Variants in FFAR1 observed in about 807,000 individuals in gnomAD.
FFAR1 encodes the protein free fatty acid receptor 1, also known as G-protein coupled receptor 40.
For synonymous variants in FFAR1, 216 were observed against 201.5 expected, an observed-to-expected ratio of 1.07 and a Z score of -0.61; for missense variants, 424 against 396.2, an observed-to-expected ratio of 1.07 and a Z score of -0.60.
At chr19:35,348,271 C>G (rs943207801), upstream of FFAR1, among the ~76,000 whole-genome samples, 1 of 152,162 alleles carries the variant, frequency 6.6e-6, no homozygotes, top group Non-Finnish European at 1.5e-5. Flanking sequence ...CTTGTGAGCA[C>G]CATTAACTTT....
chr19:35,351,670 CT>C lies in FFAR1; in HGVS notation c.120del (p.Ser41AlafsTer6), dbSNP rs756775454. ...GCCCACGCCCGGCTCCGTCTCACCC[CT>C]AGCCTGGTCTACGCCCTGAACCTGG... On this transcript the variant is annotated frameshift_variant, in exon 1 of 1. Coordinates refer to ENST00000246553, the Ensembl canonical transcript of FFAR1. LOFTEE classifies it low-confidence loss of function (END_TRUNC). 9.0e-6 allele frequency: 14 copies of C among 1,556,878 alleles called. No homozygotes were observed. The highest frequency in any genetic ancestry group is 1.1e-5 in the Non-Finnish European group (13 of 1,153,856).
upstream of FFAR1, among the ~76,000 whole-genome samples, chr19:35,349,839 G>C (rs1363674805): frequency 6.6e-6 from 1 of 152,200 alleles, no homozygotes; most frequent in Non-Finnish European, 1.5e-5. Flanking sequence ...CGGGCACATT[G>C]AGAGACAGAG....
chr19:35,351,010 C>A (rs1031925089), upstream of FFAR1, among the ~76,000 whole-genome samples: 9 of 152,168 alleles, frequency 5.9e-5, no homozygotes, highest in African/African-American at 2.4e-5. Flanking sequence ...TGGCCACACC[C>A]TCACCTTATC....
chr19:35,350,055 G>C (rs1226622700), upstream of FFAR1, among the ~76,000 whole-genome samples: 2 of 152,190 alleles, frequency 1.3e-5, no homozygotes. Context: ...GCCTTGGGGA[G>C]TGTCCCCCAG....
upstream of FFAR1, chr19:35,351,501 A>G (rs1331283303): frequency 6.6e-7 from 1 of 1,518,928 alleles, no homozygotes; most frequent in Non-Finnish European, 8.8e-7. Flanking sequence ...AGATCTGAGG[A>G]CAGGGAGCCA....
chr19:35,352,223 G>T (rs374423505), exon 1 of FFAR1: 5 of 1,570,136 alleles, frequency 3.2e-6, no homozygotes, highest in Non-Finnish European at 3.4e-6. Flanking sequence ...GGGCCGCCTG[G>T]GTGGCCGGCG....
At chr19:35,349,829 C>T (rs538889689), upstream of FFAR1, among the ~76,000 whole-genome samples, 12 of 152,174 alleles carry the variant, frequency 7.9e-5, no homozygotes, top group African/African-American at 1.9e-4. Flanking sequence ...CAGAAAGACA[C>T]GGGCACATTG....
chr19:35,350,216 G>A (rs372116485), upstream of FFAR1, among the ~76,000 whole-genome samples: 47 of 152,332 alleles, frequency 3.1e-4, no homozygotes, highest in East Asian at 8.7e-3. Context: ...CCTTCCTCCA[G>A]CCCTGGGAAG....
chr19:35,350,818 G>A (rs1428981794), upstream of FFAR1, among the ~76,000 whole-genome samples: 1 of 152,178 alleles, frequency 6.6e-6, no homozygotes, highest in Non-Finnish European at 1.5e-5. Context: ...GAGCCTCAGA[G>A]ACATCTGGCA....
At chr19:35,352,516 C>CG (rs1428050842) in exon 1 of FFAR1, 11 of 1,501,854 alleles carry the variant, frequency 7.3e-6, no homozygotes, top group East Asian at 4.9e-5. Flanking sequence ...CAGGCCCCTG[C>CG]GGGGGGCTGC....
At chr19:35,352,633 GC>G (rs2066950844) in exon 1 of FFAR1, 4 of 663,806 alleles carry the variant, frequency 6.0e-6, no homozygotes, top group South Asian at 3.9e-5. Context: ...GGAGCACCGA[GC>G]CAGAGCACGG....
chr19:35,350,258 A>G (rs531807578), upstream of FFAR1, among the ~76,000 whole-genome samples: 33 of 152,336 alleles, frequency 2.2e-4, no homozygotes, highest in Non-Finnish European at 4.4e-4. Context: ...GCTAGTGCGG[A>G]AGCAGAGGGA....
exon 1 of FFAR1, chr19:35,352,347 G>A: frequency 6.4e-7 from 1 of 1,552,418 alleles, no homozygotes; most frequent in Admixed American, 2.0e-5. Context: ...CATCACGGGT[G>A]CCTGGAGTGT....
In FFAR1 at chr19:35,351,791, C is replaced by G. The variant is rs779719073; in HGVS notation, c.240C>G (p.Pro80=). 5.0e-6 allele frequency: 8 copies of G among 1,591,746 alleles called. No homozygotes were observed. The African/African-American group carries it at 5.4e-5, about 11-fold the overall frequency. ...GGCCTCTGCCGGCCTCGCTGTGCCCCGTCTTCGCGGTGGCCCACTTCTTCC... is the reference window on the plus strand; with the variant it reads ...GGCCTCTGCCGGCCTCGCTGTGCCCGGTCTTCGCGGTGGCCCACTTCTTCC... The change falls in exon 1 of 1, where the codon CCC becomes CCG. Residue 80 remains proline (P), a synonymous_variant. Transcript: ENST00000246553.
rs779719073 is a variant in FFAR1, at chr19:35,351,791, C to T, written c.240C>T (p.Pro80=). The T allele has an allele frequency of 4.4e-6, 7 of 1,591,864 alleles. No individual in the cohort carries two copies. The East Asian group carries it at 9.2e-5, about 21-fold the overall frequency. Residue 80 remains proline (P), a synonymous_variant, in exon 1 of 1, where the codon CCC becomes CCT. Transcript: ENST00000246553. ...GGCCTCTGCCGGCCTCGCTGTGCCCCGTCTTCGCGGTGGCCCACTTCTTCC... is the reference window on the plus strand; with the variant it reads ...GGCCTCTGCCGGCCTCGCTGTGCCCTGTCTTCGCGGTGGCCCACTTCTTCC...
exon 1 of FFAR1, chr19:35,351,664 T>A: frequency 6.4e-7 from 1 of 1,555,210 alleles, no homozygotes; most frequent in Non-Finnish European, 8.7e-7. Flanking sequence ...CGGCTCCGTC[T>A]CACCCCTAGC....
upstream of FFAR1, among the ~76,000 whole-genome samples, chr19:35,349,926 A>G (rs1034412564): frequency 1.6e-4 from 24 of 152,180 alleles, no homozygotes; most frequent in African/African-American, 5.8e-4. Context: ...GAGGTTAGAA[A>G]TCTTCCTTAG....
At chr19:35,352,517 G>A (rs1312877904) in exon 1 of FFAR1, 36 of 1,501,036 alleles carry the variant, frequency 2.4e-5, no homozygotes, top group Non-Finnish European at 2.9e-5. Flanking sequence ...AGGCCCCTGC[G>A]GGGGGCTGCT....
rs756710530 is a variant in FFAR1, at chr19:35,352,224, G to A, written c.673G>A (p.Val225Met). 1.2e-5 allele frequency: 19 copies of A among 1,570,364 alleles called. No individual in the cohort carries two copies. The East Asian group carries it at 4.0e-4, about 33-fold the overall frequency. The change falls in exon 1 of 1, where the codon GTG (valine) becomes ATG (methionine). Residue 225 changes from valine (V) to methionine (M), a missense_variant. Val to Met is a conservative substitution (Grantham distance 21). Transcript: ENST00000246553. ...CAGGCGGAAGCTGCGGGCCGCCTGGGTGGCCGGCGGGGCCCTCCTCACGCT... is the reference window on the plus strand; with the variant it reads ...CAGGCGGAAGCTGCGGGCCGCCTGGATGGCCGGCGGGGCCCTCCTCACGCT...
Sources: allele counts gnomAD v4.1 joint callset (sites outside exome capture counted in the v4.1 genomes callset), GRCh38; gene constraint gnomAD v4.1.1; transcripts MANE v1.5; gene names NCBI Gene and HGNC (gene_info 2026-07-23, HGNC 2026-07-21).